Variants in RGS7 observed in about 807,000 individuals in gnomAD.
RGS7 encodes the protein regulator of G protein signaling 7.
A neutral mutation model predicts 81.1 loss-of-function variants in RGS7; 27 were observed. That is an observed-to-expected ratio of 0.33 (90% CI 0.25 to 0.46). The LOEUF (loss-of-function observed/expected upper bound fraction) is 0.46. Ranked by LOEUF, RGS7 falls within the 20% of genes least tolerant of loss-of-function variation. The pLI is 1.00. For synonymous variants in RGS7, 208 were observed against 207.7 expected (o/e 1.00, Z -0.01); for missense variants, 396 against 607.4 (o/e 0.65, Z 3.66).
chr1:241,105,961 C>G (rs1458470168), intron 2 of RGS7, among the ~76,000 whole-genome samples: 1 of 152,158 alleles, frequency 6.6e-6, no homozygotes, highest in African/African-American at 2.4e-5. Flanking sequence ...ATTTTAAGTG[C>G]TAGCTATGAA....
At chr1:240,959,841 C>T (rs991510022) in intron 4 of RGS7, among the ~76,000 whole-genome samples, 2 of 152,074 alleles carry the variant, frequency 1.3e-5, no homozygotes, top group Admixed American at 6.6e-5. Context: ...TACAAGTTCA[C>T]GCTTAAATAC....
chr1:241,177,832 A>T (rs1356535819), intron 2 of RGS7, among the ~76,000 whole-genome samples: 1 of 152,160 alleles, frequency 6.6e-6, no homozygotes, highest in African/African-American at 2.4e-5. Context: ...TCTTAAGCTT[A>T]AACAACTGAT....
At chr1:241,081,980 C>G (rs1448334541) in intron 3 of RGS7, among the ~76,000 whole-genome samples, 1 of 152,176 alleles carries the variant, frequency 6.6e-6, no homozygotes, top group Non-Finnish European at 1.5e-5. Context: ...AGAACCATTT[C>G]AGTCAATCAA....
chr1:241,289,401 G>A (rs2078980771), intron 2 of RGS7, among the ~76,000 whole-genome samples: 1 of 152,132 alleles, frequency 6.6e-6, no homozygotes, highest in Non-Finnish European at 1.5e-5. Context: ...CCTTGATTTA[G>A]TGGTCTCCCC....
Position 240,875,494 on chromosome 1 carries a change from G to A in RGS7, c.386-5375C>T, listed in dbSNP as rs4428876. Among the ~76,000 whole-genome samples the A allele has an allele frequency of 0.015, 2,265 of 152,224 alleles. 125 individuals are homozygous for A. In the East Asian group the frequency reaches 0.17, roughly 11 times the overall value. ...TTGTGAATAATGTTGTAATGAACGT[G>A]GAAGTTCAGGTATCACTTCCAAATA... On this transcript the variant is annotated intron_variant, in intron 6 of 18. Coordinates refer to ENST00000440928, the MANE Select transcript of RGS7 (RefSeq NM_001364886.1).
intron 3 of RGS7, among the ~76,000 whole-genome samples, chr1:241,048,212 C>T (rs1269587718): frequency 3.3e-5 from 5 of 152,110 alleles, no homozygotes; most frequent in African/African-American, 1.2e-4. Context: ...CGTCTATGTT[C>T]GTAACCCTGG....
At chr1:241,278,125 A>T (rs2078295602) in intron 2 of RGS7, among the ~76,000 whole-genome samples, 2 of 152,260 alleles carry the variant, frequency 1.3e-5, no homozygotes, top group Middle Eastern at 6.8e-3. Flanking sequence ...GGTTATTTCC[A>T]AACAGGACTT....
At chr1:240,901,363 T>C (rs1669981509) in intron 6 of RGS7, among the ~76,000 whole-genome samples, 1 of 152,220 alleles carries the variant, frequency 6.6e-6, no homozygotes, top group African/African-American at 2.4e-5. Flanking sequence ...ACCCGTCTTC[T>C]GCGTCGCTCA....
intron 2 of RGS7, among the ~76,000 whole-genome samples, chr1:241,247,621 G>T (rs943108259): frequency 6.6e-6 from 1 of 151,952 alleles, no homozygotes; most frequent in Non-Finnish European, 1.5e-5. Context: ...TCATACAGGT[G>T]GTATGCATGG....
intron 3 of RGS7, among the ~76,000 whole-genome samples, chr1:241,064,595 C>G (rs772404863): frequency 3.3e-5 from 5 of 151,624 alleles, no homozygotes; most frequent in Non-Finnish European, 5.9e-5. Context: ...ACAACAACAA[C>G]AAAAAATACC....
At chr1:241,345,246 T>G (rs371652398) in intron 2 of RGS7, among the ~76,000 whole-genome samples, 1 of 152,108 alleles carries the variant, frequency 6.6e-6, no homozygotes, top group African/African-American at 2.4e-5. Context: ...GGGTGGAGGA[T>G]GGGAGAGAGG....
chr1:241,071,014 T>G (rs1456922718), intron 3 of RGS7, among the ~76,000 whole-genome samples: 1 of 152,212 alleles, frequency 6.6e-6, no homozygotes, highest in East Asian at 1.9e-4. Context: ...TAAACCTCTA[T>G]TTTCTAACTA....
intron 3 of RGS7, among the ~76,000 whole-genome samples, chr1:241,083,464 G>A (rs919468233): frequency 6.6e-6 from 1 of 152,146 alleles, no homozygotes; most frequent in Admixed American, 6.5e-5. Flanking sequence ...ATTTGACTAT[G>A]TGACATCTCA....
intron 4 of RGS7, among the ~76,000 whole-genome samples, chr1:240,962,117 C>T (rs535722882): frequency 4.6e-5 from 7 of 152,188 alleles, no homozygotes; most frequent in African/African-American, 1.2e-4. Context: ...CTTAGCTCAC[C>T]GTACTTGTCT....
chr1:241,000,099 C>T (rs566921294), intron 3 of RGS7, among the ~76,000 whole-genome samples: 5 of 152,228 alleles, frequency 3.3e-5, no homozygotes, highest in Admixed American at 2.6e-4. Flanking sequence ...AGTCTCGATG[C>T]TCCCTTAGGC....
At chr1:240,964,373 G>A (rs887142742) in intron 4 of RGS7, among the ~76,000 whole-genome samples, 2 of 152,220 alleles carry the variant, frequency 1.3e-5, no homozygotes, top group Middle Eastern at 3.4e-3. Context: ...TGACATCTTG[G>A]TAGCAATAAT....
At chr1:240,973,663 C>T (rs891522515) in intron 4 of RGS7, among the ~76,000 whole-genome samples, 1 of 152,048 alleles carries the variant, frequency 6.6e-6, no homozygotes, top group African/African-American at 2.4e-5. Context: ...CATCTCAGCT[C>T]ACTGCAAGCT....
chr1:241,112,746 A>G (rs1260481728), intron 2 of RGS7, among the ~76,000 whole-genome samples: 1 of 152,238 alleles, frequency 6.6e-6, no homozygotes, highest in African/African-American at 2.4e-5. Flanking sequence ...GAAGGGCAAA[A>G]GGAAAAGATT....
chr1:241,027,057 G>A (rs569165311), intron 3 of RGS7, among the ~76,000 whole-genome samples: 1 of 149,304 alleles, frequency 6.7e-6, no homozygotes, highest in African/African-American at 2.5e-5. Flanking sequence ...AAAAAAATTA[G>A]CCAGGCGGGG....
Sources: gnomAD v4.1 joint callset for allele counts (sites outside exome capture counted in the v4.1 genomes callset) on GRCh38, gnomAD v4.1.1 for gene constraint, MANE v1.5 for transcripts, NCBI Gene and HGNC (gene_info 2026-07-23, HGNC 2026-07-21) for gene names.